Variants in PDE4D observed in about 807,000 individuals in gnomAD.
PDE4D encodes phosphodiesterase 4D.
Under a neutral mutation model 87.4 loss-of-function variants are expected in PDE4D, and 24 were observed. That is an observed-to-expected ratio of 0.27 (90% CI 0.20 to 0.39). PDE4D has a LOEUF of 0.39. Ranked by LOEUF, PDE4D falls within the 10% of genes least tolerant of loss-of-function variation. The probability of loss-of-function intolerance (pLI) is 1.00; values close to 1 mark genes in which losing one functional copy is unlikely to be tolerated. For synonymous variants in PDE4D, 384 were observed against 383.2 expected (o/e 1.00, Z -0.02); for missense variants, 714 against 1,041.0 (o/e 0.69, Z 4.32).
chr5:59,738,289 T>A (rs540772550), intron 1 of PDE4D, among the ~76,000 whole-genome samples: 3 of 152,174 alleles, frequency 2.0e-5, no homozygotes, highest in Non-Finnish European at 2.9e-5. Context: ...CAATGTATTC[T>A]GTTGTCAGAT....
intron 5 of PDE4D, among the ~76,000 whole-genome samples, chr5:59,126,095 T>TG (rs1554075312): frequency 2.8e-4 from 36 of 127,868 alleles, no homozygotes; most frequent in Non-Finnish European, 3.2e-5. Context: ...AGTACAATTG[T>TG]AAAAAAAAAA....
At chr5:59,344,128 C>T (rs1406854961) in intron 1 of PDE4D, among the ~76,000 whole-genome samples, 2 of 152,058 alleles carry the variant, frequency 1.3e-5, no homozygotes, top group African/African-American at 2.4e-5. Context: ...AGATACTAAA[C>T]GTTTTATGGG....
At chr5:60,165,429 T>C (rs879043485) in intron 2 of PDE4D, among the ~76,000 whole-genome samples, 11 of 152,200 alleles carry the variant, frequency 7.2e-5, no homozygotes, top group Admixed American at 3.3e-4. Context: ...TAGAGTATTT[T>C]GAAGTCAGGT....
chr5:60,416,372 A>G (rs569140358), intron 1 of PDE4D, among the ~76,000 whole-genome samples: 157 of 152,314 alleles, frequency 1.0e-3, no homozygotes, highest in African/African-American at 3.5e-3. Flanking sequence ...ACTCTTTGCA[A>G]TAAATCTTGC....
chr5:60,431,886 C>A (rs1459212926), intron 1 of PDE4D, among the ~76,000 whole-genome samples: 1 of 152,246 alleles, frequency 6.6e-6, no homozygotes, highest in Non-Finnish European at 1.5e-5. Flanking sequence ...GCCCGGCCAA[C>A]ACAGCGAAAC....
At chr5:59,596,439 T>C (rs912364299) in intron 1 of PDE4D, among the ~76,000 whole-genome samples, 3 of 151,896 alleles carry the variant, frequency 2.0e-5, no homozygotes, top group Admixed American at 2.0e-4. Context: ...TTTTAAGTTA[T>C]TTTTGAAATA....
chr5:60,110,735 A>G (rs1777588523), intron 2 of PDE4D, among the ~76,000 whole-genome samples: 1 of 152,172 alleles, frequency 6.6e-6, no homozygotes, highest in African/African-American at 2.4e-5. Flanking sequence ...ATAACAGCTA[A>G]GATATGGAAT....
chr5:60,277,290 CAG>C (rs1751470955), intron 1 of PDE4D, among the ~76,000 whole-genome samples: 1 of 146,698 alleles, frequency 6.8e-6, no homozygotes, highest in Non-Finnish European at 1.5e-5. Context: ...AGAGAGGAAA[CAG>C]ATTTAAAAAT....
intron 1 of PDE4D, among the ~76,000 whole-genome samples, chr5:59,869,172 G>A (rs1747461618): frequency 2.0e-5 from 3 of 152,196 alleles, no homozygotes; most frequent in Admixed American, 6.5e-5. Flanking sequence ...AGCTGCTATG[G>A]ATGAAATAAA....
chr5:59,940,815 C>T (rs376808927), intron 3 of PDE4D, among the ~76,000 whole-genome samples: 5 of 152,110 alleles, frequency 3.3e-5, no homozygotes, highest in Non-Finnish European at 5.9e-5. Context: ...ATAGGTGGAT[C>T]TATGACTTGA....
intron 1 of PDE4D, among the ~76,000 whole-genome samples, chr5:60,338,717 G>C (rs4699954): frequency 1.3e-5 from 2 of 151,842 alleles, no homozygotes; most frequent in Admixed American, 1.3e-4. Context: ...GTGCAGGAGT[G>C]GGGATGCTGG....
intron 1 of PDE4D, among the ~76,000 whole-genome samples, chr5:60,447,058 C>T (rs1010438121): frequency 2.0e-5 from 3 of 152,130 alleles, no homozygotes; most frequent in Non-Finnish European, 2.9e-5. Flanking sequence ...GGTGATTGTT[C>T]TGGTGTCACT....
At position 59,623,406 on chromosome 5, in the gene PDE4D, T is replaced by C. The variant is rs574785284; in HGVS notation, c.455+269762A>G. 5.9e-5 allele frequency among the ~76,000 whole-genome samples: 9 copies of C among 152,326 alleles called. No homozygotes were observed. In the East Asian group the frequency reaches 1.7e-3, roughly 29 times the overall value. ...TCAATAACAACCTTAATCACAGTGA[T>C]AATTTCTTCAGACTCACCTCCACTT... On this transcript the variant is annotated intron_variant, in intron 1 of 14. Coordinates refer to ENST00000340635, the MANE Select transcript of PDE4D (RefSeq NM_001104631.2).
At chr5:59,061,534 C>T (rs547799611) in intron 5 of PDE4D, among the ~76,000 whole-genome samples, 56 of 152,160 alleles carry the variant, frequency 3.7e-4, no homozygotes, top group African/African-American at 1.3e-3. Flanking sequence ...GAGTCAGCCT[C>T]GTGGATGACT....
chr5:59,187,469 G>A (rs1743180182), intron 3 of PDE4D, among the ~76,000 whole-genome samples: 1 of 151,834 alleles, frequency 6.6e-6, no homozygotes, highest in South Asian at 2.1e-4. Context: ...GACACTCAGG[G>A]GACATTAAAA....
At chr5:59,053,691 C>G (rs1284600595) in intron 5 of PDE4D, among the ~76,000 whole-genome samples, 5 of 127,550 alleles carry the variant, frequency 3.9e-5, no homozygotes, top group Non-Finnish European at 6.3e-5. Flanking sequence ...CACGGTCGCT[C>G]ATGCCTGTAA....
intron 1 of PDE4D, among the ~76,000 whole-genome samples, chr5:59,874,115 A>G (rs940296132): frequency 3.9e-5 from 6 of 152,106 alleles, no homozygotes; most frequent in African/African-American, 1.4e-4. Flanking sequence ...AGGCAGTAGG[A>G]TCCTTTGAGC....
At chr5:59,403,961 A>G (rs190161571) in intron 1 of PDE4D, among the ~76,000 whole-genome samples, 2 of 152,294 alleles carry the variant, frequency 1.3e-5, no homozygotes, top group East Asian at 1.9e-4. Flanking sequence ...CCTTGTCAGC[A>G]TTTGTTACTG....
At chr5:58,996,756 T>G (rs2153348446) in intron 6 of PDE4D, among the ~76,000 whole-genome samples, 1 of 152,302 alleles carries the variant, frequency 6.6e-6, no homozygotes. Flanking sequence ...TAAAAGAATA[T>G]AAAGAACGAA....
Sources: gnomAD v4.1 joint callset for allele counts (sites outside exome capture counted in the v4.1 genomes callset) on GRCh38, gnomAD v4.1.1 for gene constraint, MANE v1.5 for transcripts, NCBI Gene and HGNC (gene_info 2026-07-23, HGNC 2026-07-21) for gene names.